The following UGGT2 variants were observed in gnomAD, a reference collection of about 807,000 sequenced individuals.
The protein encoded by UGGT2 is UDP-glucose glycoprotein glucosyltransferase 2.
A neutral mutation model predicts 192.1 loss-of-function variants in UGGT2; 180 were observed. The observed-to-expected ratio is 0.94, with a 90% CI of 0.83 to 1.06. The LOEUF (loss-of-function observed/expected upper bound fraction) is 1.06. Among genes scored for constraint, UGGT2 ranks in the 50% least tolerant of loss-of-function variants. The probability of loss-of-function intolerance (pLI) is 0.00; values close to 1 mark genes in which losing one functional copy is unlikely to be tolerated. For synonymous variants in UGGT2, 580 were observed against 591.0 expected, an observed-to-expected ratio of 0.98 and a Z score of 0.27; for missense variants, 1,849 against 1,795.7, an observed-to-expected ratio of 1.03 and a Z score of -0.54.
intron 26 of UGGT2, chr13:95,887,268 C>G (rs1007205459): frequency 1.9e-6 from 1 of 515,526 alleles, no homozygotes; most frequent in East Asian, 5.5e-5. Context: ...TGCAATGGTA[C>G]ATACCCTGTT....
chr13:95,966,473 A>G (rs903063244), intron 12 of UGGT2, among the ~76,000 whole-genome samples: 3 of 152,210 alleles, frequency 2.0e-5, no homozygotes, highest in African/African-American at 7.2e-5. Flanking sequence ...GAAGGTATAA[A>G]TTCTACTATT....
intron 15 of UGGT2, among the ~76,000 whole-genome samples, chr13:95,942,221 GGT>G (rs370041064): frequency 0.057 from 6,705 of 117,794 alleles, 187 homozygotes; most frequent in Admixed American, 0.086. Context: ...TTAGGGTGAG[GGT>G]GTGTGTGTGT....
At chr13:95,807,275 G>T (rs141437983) in intron 38 of UGGT2, among the ~76,000 whole-genome samples, 170 of 152,182 alleles carry the variant, frequency 1.1e-3, no homozygotes, top group Non-Finnish European at 2.1e-3. Context: ...CATTCCGTAG[G>T]CTAAGGAAGA....
chr13:95,951,084 G>A (rs1049994780), intron 12 of UGGT2, among the ~76,000 whole-genome samples: 4 of 152,132 alleles, frequency 2.6e-5, no homozygotes, highest in Non-Finnish European at 5.9e-5. Flanking sequence ...CAGAGGCAGT[G>A]GCTTCAGAGA....
At chr13:95,877,456 ATTAACT>A in intron 28 of UGGT2, 92 bp from the exon 29 acceptor site, 3 of 1,111,330 alleles carry the variant, frequency 2.7e-6, no homozygotes, top group Non-Finnish European at 3.8e-6. Flanking sequence ...GAAAGTATTT[ATTAACT>A]GTAGAATGAA....
intron 12 of UGGT2, among the ~76,000 whole-genome samples, chr13:95,951,757 G>A (rs2050069840): frequency 6.6e-6 from 1 of 152,146 alleles, no homozygotes; most frequent in Non-Finnish European, 1.5e-5. Flanking sequence ...AAGCCAGCTT[G>A]GGGTTCATCA....
intron 7 of UGGT2, chr13:95,990,462 A>T (rs1434128670): frequency 6.6e-6 from 1 of 152,442 alleles, no homozygotes; most frequent in Non-Finnish European, 1.5e-5. Context: ...TGCCTCATAC[A>T]ATCAGAGTTT....
intron 6 of UGGT2, among the ~76,000 whole-genome samples, chr13:95,998,522 C>T (rs2051697881): frequency 6.6e-6 from 1 of 152,092 alleles, no homozygotes; most frequent in South Asian, 2.1e-4. Flanking sequence ...AAGCAGGAGC[C>T]TCATCTGAGT....
At chr13:95,948,215 GAATACA>G in intron 13 of UGGT2, 134 bp from the exon 14 acceptor site, 1 of 338,870 alleles carries the variant, frequency 3.0e-6, no homozygotes, top group South Asian at 2.6e-5. Flanking sequence ...CAATTCTAAG[GAATACA>G]CACACACACA....
rs1273401961 is a variant in UGGT2 at position 95,927,328 on chromosome 13, T to C, written c.1986A>G (p.Leu662=). 6 of 1,600,954 alleles carry C rather than the reference T, an allele frequency of 3.7e-6. No homozygotes were observed. Among genetic ancestry groups the C allele is most frequent in the Non-Finnish European group, 5.1e-6 (6 of 1,176,490 alleles). Residue 662 remains leucine, a synonymous_variant, in exon 18 of 39, where the codon TTA becomes TTG. Transcript: ENST00000376747. ...YLQREVFLGT[L]NDRTNAIDFL... ...AATCAATTGCATTCGTGCGATCATT[T>C]AATGTGCCCTAAAAAAACAAAAATG...
intron 8 of UGGT2, among the ~76,000 whole-genome samples, chr13:95,986,679 CGA>C (rs1248868560): frequency 6.6e-6 from 1 of 151,910 alleles, no homozygotes; most frequent in Non-Finnish European, 1.5e-5. Flanking sequence ...AGTATAATTT[CGA>C]GAGAGATATA....
intron 27 of UGGT2, among the ~76,000 whole-genome samples, chr13:95,881,273 A>G (rs1338100703): frequency 6.6e-6 from 1 of 152,234 alleles, no homozygotes; most frequent in East Asian, 1.9e-4. Flanking sequence ...GTATCTTAGA[A>G]CAAATCCCTT....
intron 12 of UGGT2, among the ~76,000 whole-genome samples, chr13:95,965,728 A>T (rs2050557340): frequency 6.6e-6 from 1 of 152,146 alleles, no homozygotes; most frequent in South Asian, 2.1e-4. Flanking sequence ...TGTACCCTAA[A>T]ACTTAAAAGT....
chr13:96,048,972 A>AGG (rs879325149), intron 1 of UGGT2, among the ~76,000 whole-genome samples: 8,527 of 152,282 alleles, frequency 0.056, 362 homozygotes, highest in Non-Finnish European at 0.081. Context: ...ATCCTCCCTA[A>AGG]CTCATTTTAT....
In UGGT2 at chr13:96,013,430, C is replaced by G. The variant is rs147486921; in HGVS notation, c.537G>C (p.Glu179Asp). The G allele has an allele frequency of 1.3e-5, 21 of 1,603,424 alleles. No individual in the cohort carries two copies. The highest frequency in any genetic ancestry group is 1.7e-5 in the Non-Finnish European group (20 of 1,176,544). Reference sequence around the variant, plus strand: ...CATAGAGAATCACCACTGGTAAGTTCTCTTTGTTTGTAGGAAATTTGTGAT... The same window carrying G: ...CATAGAGAATCACCACTGGTAAGTTGTCTTTGTTTGTAGGAAATTTGTGAT... Reference protein sequence around the residue: ...KGDHKFPTNKENLPVVILYAE... With the variant: ...KGDHKFPTNKDNLPVVILYAE... The change falls in exon 5 of 39, where the codon GAG (glutamate) becomes GAC (aspartate). Residue 179 changes from glutamate to aspartate, a missense_variant. Transcript: ENST00000376747.
chr13:95,898,370 C>T (rs893336771), intron 22 of UGGT2, among the ~76,000 whole-genome samples: 1 of 151,976 alleles, frequency 6.6e-6, no homozygotes, highest in Non-Finnish European at 1.5e-5. Context: ...TTCTCTCCTG[C>T]CTGCTCTCTT....
In UGGT2 at chr13:95,890,868, C is replaced by T. The variant is rs1355303520; in HGVS notation, c.2952G>A (p.Leu984=). The T allele has an allele frequency of 6.2e-7, 1 of 1,610,198 alleles. No individual in the cohort carries two copies. The highest frequency in any genetic ancestry group is 8.5e-7 in the Non-Finnish European group (1 of 1,177,960). ...LTREAQKMAQ[L]LVVLGKIINM... ...CTAATTTATATTATCTTACAACCAA[C>T]AACTGTGCCATTTTCTGTGCTTCTC... The change falls in exon 25 of 39, where the codon TTG becomes TTA. Residue 984 remains leucine (L), a synonymous_variant. Transcript: ENST00000376747.
At chr13:96,002,006 TTC>T (rs1179220685) in intron 5 of UGGT2, among the ~76,000 whole-genome samples, 1 of 152,248 alleles carries the variant, frequency 6.6e-6, no homozygotes. Flanking sequence ...AATTGACTGT[TTC>T]TGTTATCAGT....
Position 96,002,368 on chromosome 13 carries a change from A to G in UGGT2, c.661-3061T>C, listed in dbSNP as rs183116359. The stretch of plus-strand genomic sequence containing the variant: ...CCATGACTCTCTGTCCTCTTCTTTT[A>G]TATTTATCTTTTCTGAAAACACTTT... On this transcript the variant is annotated intron_variant, in intron 5 of 38. Transcript: ENST00000376747. 1.7e-4 allele frequency among the ~76,000 whole-genome samples: 26 copies of G among 152,326 alleles called. No homozygotes were observed. The East Asian group carries it at 4.8e-3, about 28-fold the overall frequency.
Sources: gnomAD v4.1 joint callset for allele counts (sites outside exome capture counted in the v4.1 genomes callset) on GRCh38, gnomAD v4.1.1 for gene constraint, MANE v1.5 for transcripts, NCBI Gene and HGNC (gene_info 2026-07-23, HGNC 2026-07-21) for gene names.